Variants in DAB1 observed in about 807,000 individuals in gnomAD.
DAB1 encodes the protein DAB adaptor protein 1.
DAB1 carries 15 observed loss-of-function variants against 64.6 expected under a neutral mutation model. That is an observed-to-expected ratio of 0.23 (90% CI 0.16 to 0.36). DAB1 has a LOEUF of 0.36. DAB1 is among the 10% of genes least tolerant of loss of function. DAB1 has a pLI of 1.00. For synonymous variants in DAB1, 235 were observed against 251.9 expected (o/e 0.93, Z 0.64); for missense variants, 596 against 706.7 (o/e 0.84, Z 1.78).
At chr1:57,203,579 GC>G (rs930785605) in intron 2 of DAB1, among the ~76,000 whole-genome samples, 13 of 152,220 alleles carry the variant, frequency 8.5e-5, no homozygotes, top group Admixed American at 3.9e-4. Flanking sequence ...TAGGCTCTGA[GC>G]TAAACTTACT....
At chr1:58,284,016 A>G (rs2100442763) in intron 4 of DAB1, among the ~76,000 whole-genome samples, 1 of 22,758 alleles carries the variant, frequency 4.4e-5, no homozygotes, top group Admixed American at 5.4e-4. Flanking sequence ...AATAGAAGGG[A>G]AAACCCACCT....
intron 2 of DAB1, among the ~76,000 whole-genome samples, chr1:57,184,073 G>A (rs904976761): frequency 1.1e-4 from 16 of 147,714 alleles, no homozygotes; most frequent in African/African-American, 3.7e-4. Flanking sequence ...TCAACAACAC[G>A]ACTTTTCCAA....
At chr1:58,077,687 A>G (rs1649740402) in intron 5 of DAB1, among the ~76,000 whole-genome samples, 1 of 152,210 alleles carries the variant, frequency 6.6e-6, no homozygotes, top group African/African-American at 2.4e-5. Context: ...AAAGTACCCC[A>G]CTATTCCTCA....
At chr1:58,015,443 C>T (rs1570228953) in intron 5 of DAB1, among the ~76,000 whole-genome samples, 1 of 152,142 alleles carries the variant, frequency 6.6e-6, no homozygotes, top group East Asian at 1.9e-4. Context: ...TCCGTGGCCA[C>T]AAGCTGTACT....
intron 6 of DAB1, among the ~76,000 whole-genome samples, chr1:57,704,877 T>TCTTCCTTC (rs57787059): frequency 6.8e-6 from 1 of 146,694 alleles, no homozygotes; most frequent in African/African-American, 2.5e-5. Context: ...GGGAAATTTC[T>TCTTCCTTC]TTTCCTTCCT....
At chr1:57,013,366 A>G (rs1042179623) in intron 12 of DAB1, among the ~76,000 whole-genome samples, 25 of 152,220 alleles carry the variant, frequency 1.6e-4, no homozygotes, top group African/African-American at 6.0e-4. Context: ...ACACAAGTCC[A>G]TTGAAAGAGA....
chr1:57,749,784 GA>G (rs1648468501), intron 6 of DAB1, among the ~76,000 whole-genome samples: 1 of 152,132 alleles, frequency 6.6e-6, no homozygotes, highest in Non-Finnish European at 1.5e-5. Flanking sequence ...AGAGGAAGAT[GA>G]AAAAATCCAA....
chr1:57,920,019 T>C (rs184907204), intron 5 of DAB1, among the ~76,000 whole-genome samples: 3 of 152,358 alleles, frequency 2.0e-5, no homozygotes, highest in African/African-American at 7.2e-5. Flanking sequence ...TTGCTCTAAG[T>C]GCTTCAGGTG....
rs553668707 is a variant in DAB1, at chr1:57,072,965, G to T, written c.307-551C>A. ...AGTCACCACTGGGGGTAGAGGCGGG[G>T]CTATGCATATCTCAGGCTTTTCATT... On this transcript the variant is annotated intron_variant, in intron 4 of 14. Transcript: ENST00000371236. 1.8e-4 allele frequency among the ~76,000 whole-genome samples: 27 copies of T among 152,322 alleles called. No homozygotes were observed. The South Asian group carries it at 5.6e-3, about 32-fold the overall frequency.
At chr1:58,067,549 T>A (rs1648932503) in intron 5 of DAB1, among the ~76,000 whole-genome samples, 1 of 152,210 alleles carries the variant, frequency 6.6e-6, no homozygotes, top group Non-Finnish European at 1.5e-5. Flanking sequence ...TCTATAATAT[T>A]TTGTTAGGAC....
intron 7 of DAB1, among the ~76,000 whole-genome samples, chr1:57,536,615 GA>G (rs11452636): frequency 9.2e-5 from 13 of 141,046 alleles, no homozygotes; most frequent in African/African-American, 2.8e-4. Flanking sequence ...CTGACATCCA[GA>G]AAAAAAAAAT....
intron 7 of DAB1, among the ~76,000 whole-genome samples, chr1:57,600,397 G>A (rs559464847): frequency 3.3e-5 from 5 of 152,298 alleles, no homozygotes; most frequent in South Asian, 2.1e-4. Flanking sequence ...TTGTTGAGAC[G>A]GAAAGCTTTA....
At chr1:57,589,123 G>A (rs977086830) in intron 7 of DAB1, among the ~76,000 whole-genome samples, 2 of 152,122 alleles carry the variant, frequency 1.3e-5, no homozygotes, top group African/African-American at 4.8e-5. Context: ...ATAGGCTAAG[G>A]CAGGAGAATT....
chr1:57,426,563 A>T (rs1558366561), upstream of DAB1, among the ~76,000 whole-genome samples: 1 of 152,074 alleles, frequency 6.6e-6, no homozygotes, highest in Non-Finnish European at 1.5e-5. Flanking sequence ...AATCTCAGTG[A>T]ACGTTTCTTT....
intron 1 of DAB1, among the ~76,000 whole-genome samples, chr1:58,529,092 A>G (rs1646394423): frequency 6.6e-6 from 1 of 152,234 alleles, no homozygotes; most frequent in Non-Finnish European, 1.5e-5. Context: ...TCAAAATATG[A>G]GATCCTACAA....
Position 57,025,990 on chromosome 1 carries a change from G to T in DAB1, c.777C>A (p.Thr259=), listed in dbSNP as rs772812140. 2 of 1,583,754 alleles carry T rather than the reference G, an allele frequency of 1.3e-6. No individual in the cohort carries two copies. Among genetic ancestry groups the T allele is most frequent in the Non-Finnish European group, 1.7e-6 (2 of 1,167,776 alleles). The change falls in exon 10 of 15, where the codon ACC becomes ACA. Residue 259 remains threonine (T), a synonymous_variant. Coordinates refer to ENST00000371236, the MANE Select transcript of DAB1 (RefSeq NM_001365792.1). The part of the protein sequence containing the change: ...FGDMSTPPDI[T]SPPTPATPGD... Reference sequence around the variant, plus strand: ...AGCAATGCATACTTACGGGGGGAGAGGTTATATCAGGGGGTGTGGACATGT... The same window carrying T: ...AGCAATGCATACTTACGGGGGGAGATGTTATATCAGGGGGTGTGGACATGT...
chr1:57,871,961 T>G (rs1351141297), intron 1 of DAB1, among the ~76,000 whole-genome samples: 3 of 152,092 alleles, frequency 2.0e-5, no homozygotes, highest in Admixed American at 1.3e-4. Flanking sequence ...ACTCTGCTAT[T>G]TAGGGGACTG....
At chr1:57,860,204 G>A (rs944311453) in intron 1 of DAB1, among the ~76,000 whole-genome samples, 1 of 152,138 alleles carries the variant, frequency 6.6e-6, no homozygotes, top group African/African-American at 2.4e-5. Flanking sequence ...ATTTTCAAGG[G>A]AACTAACATA....
At chr1:57,052,905 C>G (rs564718227) in intron 9 of DAB1, among the ~76,000 whole-genome samples, 233 of 152,314 alleles carry the variant, frequency 1.5e-3, no homozygotes, top group Non-Finnish European at 2.9e-3. Context: ...GATGTTCACT[C>G]TCTCATTATA....
Sources: gnomAD v4.1 joint callset for allele counts (sites outside exome capture counted in the v4.1 genomes callset) on GRCh38, gnomAD v4.1.1 for gene constraint, MANE v1.5 for transcripts, NCBI Gene and HGNC (gene_info 2026-07-23, HGNC 2026-07-21) for gene names.